The following ESR1 variants were observed in gnomAD, a reference collection of about 807,000 sequenced individuals.
ESR1 encodes the protein estrogen receptor.
ESR1 carries 12 observed loss-of-function variants against 52.7 expected under a neutral mutation model. That is an observed-to-expected ratio of 0.23 (90% CI 0.15 to 0.37). ESR1 has a LOEUF of 0.37. Ranked by LOEUF, ESR1 falls within the 10% of genes least tolerant of loss-of-function variation. The pLI is 1.00. For missense variants in ESR1, 584 were observed against 779.7 expected (o/e 0.75, Z 2.99); for synonymous variants, 305 against 316.8 (o/e 0.96, Z 0.39).
intron 1 of ESR1, among the ~76,000 whole-genome samples, chr6:151,831,150 T>C (rs1252252878): frequency 6.6e-6 from 1 of 151,432 alleles, no homozygotes; most frequent in African/African-American, 2.4e-5. Context: ...TCTTTTCTTT[T>C]TTTTTTTTTT....
chr6:151,665,895 T>C (rs1201309911), intron 1 of ESR1, among the ~76,000 whole-genome samples: 1 of 152,220 alleles, frequency 6.6e-6, no homozygotes, highest in Non-Finnish European at 1.5e-5. Context: ...TTAGGTATTT[T>C]ATTTCATTTT....
At chr6:151,673,920 GT>G (rs957264465) in intron 1 of ESR1, among the ~76,000 whole-genome samples, 29 of 152,180 alleles carry the variant, frequency 1.9e-4, no homozygotes, top group Non-Finnish European at 2.8e-4. Flanking sequence ...TTGCCATTTT[GT>G]GTGTGTTTAC....
intron 4 of ESR1, among the ~76,000 whole-genome samples, chr6:151,944,735 CAT>C (rs2128531514): frequency 6.6e-6 from 1 of 152,190 alleles, no homozygotes; most frequent in African/African-American, 2.4e-5. Context: ...CTTAAATTGA[CAT>C]AATTTATTTT....
chr6:151,912,245 T>C (rs1250122886), intron 3 of ESR1, among the ~76,000 whole-genome samples: 1 of 152,230 alleles, frequency 6.6e-6, no homozygotes, highest in Non-Finnish European at 1.5e-5. Context: ...TACATTATGT[T>C]TGGAGCATAG....
chr6:151,701,109 T>A (rs1018504812), intron 1 of ESR1, among the ~76,000 whole-genome samples: 1 of 152,208 alleles, frequency 6.6e-6, no homozygotes, highest in Non-Finnish European at 1.5e-5. Flanking sequence ...TTTTCAACCA[T>A]GTAACAACGT....
At chr6:151,833,483 T>C (rs920296833) in intron 1 of ESR1, among the ~76,000 whole-genome samples, 3 of 152,176 alleles carry the variant, frequency 2.0e-5, no homozygotes, top group African/African-American at 7.2e-5. Flanking sequence ...CCTGCCTGGC[T>C]CTTGCTGCAG....
intron 2 of ESR1, among the ~76,000 whole-genome samples, chr6:151,767,408 T>C (rs997207303): frequency 6.6e-6 from 1 of 152,228 alleles, no homozygotes; most frequent in African/African-American, 2.4e-5. Flanking sequence ...AACTCCTCTT[T>C]CTGTCTTAAC....
chr6:151,875,192 A>G (rs1449530210), intron 2 of ESR1, among the ~76,000 whole-genome samples: 1 of 152,168 alleles, frequency 6.6e-6, no homozygotes, highest in Non-Finnish European at 1.5e-5. Flanking sequence ...ATCTATGAAC[A>G]TCTGCTTTAT....
chr6:152,043,978 A>G (rs2046018874), intron 5 of ESR1, among the ~76,000 whole-genome samples: 1 of 152,176 alleles, frequency 6.6e-6, no homozygotes, highest in Non-Finnish European at 1.5e-5. Flanking sequence ...AACCCAGGGC[A>G]ATCTTAGAAG....
At chr6:151,953,431 C>G (rs1452647998) in intron 4 of ESR1, among the ~76,000 whole-genome samples, 1 of 152,048 alleles carries the variant, frequency 6.6e-6, no homozygotes, top group Admixed American at 6.6e-5. Flanking sequence ...CAATAGAAAA[C>G]AGTGAGGACC....
At chr6:152,105,428 T>G (rs2051052039), downstream of ESR1, among the ~76,000 whole-genome samples, 1 of 37,660 alleles carries the variant, frequency 2.7e-5, no homozygotes, top group Non-Finnish European at 5.4e-5. Flanking sequence ...CTCTGTTAAT[T>G]TTTTTTTTTT....
At chr6:151,724,262 GA>G (rs1301932845) in intron 2 of ESR1, among the ~76,000 whole-genome samples, 4 of 152,280 alleles carry the variant, frequency 2.6e-5, no homozygotes, top group East Asian at 3.9e-4. Flanking sequence ...GCTTAGGAGA[GA>G]GGGGTAAATG....
At chr6:151,965,908 C>T (rs1194419947) in intron 4 of ESR1, among the ~76,000 whole-genome samples, 3 of 152,124 alleles carry the variant, frequency 2.0e-5, no homozygotes, top group Non-Finnish European at 4.4e-5. Context: ...GCATTCAAAA[C>T]ATTATTATGT....
At chr6:152,116,731 T>G (rs1004324419) in intron 6 of ESR1, among the ~76,000 whole-genome samples, 19 of 151,462 alleles carry the variant, frequency 1.3e-4, no homozygotes, top group African/African-American at 3.6e-4. Flanking sequence ...ACTTATATAT[T>G]TGTATTATTT....
Position 151,993,176 on chromosome 6 carries a change from G to T in ESR1, c.1097-18480G>T, listed in dbSNP as rs529577411. 4.6e-5 allele frequency among the ~76,000 whole-genome samples: 7 copies of T among 152,190 alleles called. No homozygotes were observed. In the East Asian group the frequency reaches 9.7e-4, roughly 21 times the overall value. ...CCATCTGGTTCTTCTGTAATCTAAAGATTTTTATATATATGTAAAATACAA... is the reference window on the plus strand; with the variant it reads ...CCATCTGGTTCTTCTGTAATCTAAATATTTTTATATATATGTAAAATACAA... On this transcript the variant is annotated intron_variant, in intron 4 of 7. Coordinates refer to ENST00000206249, the MANE Select transcript of ESR1 (RefSeq NM_000125.4).
intron 1 of ESR1, among the ~76,000 whole-genome samples, chr6:151,817,577 C>G (rs903304212): frequency 6.6e-6 from 1 of 152,156 alleles, no homozygotes; most frequent in African/African-American, 2.4e-5. Context: ...TACTCCTCAG[C>G]TTTCCAAAAT....
intron 3 of ESR1, among the ~76,000 whole-genome samples, chr6:151,896,299 A>T (rs1422812301): frequency 6.6e-6 from 1 of 152,140 alleles, no homozygotes; most frequent in Non-Finnish European, 1.5e-5. Context: ...TTCAGCTGTG[A>T]ATTCATCTGG....
chr6:151,791,386 G>A (rs1272589880), intron 2 of ESR1, among the ~76,000 whole-genome samples: 1 of 152,230 alleles, frequency 6.6e-6, no homozygotes, highest in South Asian at 2.1e-4. Context: ...CTTGCCTGCC[G>A]CCATGTAAGA....
At chr6:151,805,753 A>G (rs1777742731), upstream of ESR1, 1 of 151,112 alleles carries the variant, frequency 6.6e-6, no homozygotes, top group African/African-American at 2.4e-5. Context: ...CTTCCTTCTC[A>G]CTCTCTCGGC....
Sources: allele counts gnomAD v4.1 joint callset (sites outside exome capture counted in the v4.1 genomes callset), GRCh38; gene constraint gnomAD v4.1.1; transcripts MANE v1.5; gene names NCBI Gene and HGNC (gene_info 2026-07-23, HGNC 2026-07-21).